Variants in ARMC8 observed in about 807,000 individuals in gnomAD.
The protein encoded by ARMC8 is armadillo repeat-containing protein 8.
In ARMC8, 20 loss-of-function variants were observed where a neutral mutation model predicts 99.3. The observed-to-expected ratio is 0.20, with a 90% confidence interval of 0.14 to 0.29. ARMC8 has a LOEUF of 0.29. Ranked by LOEUF, ARMC8 falls within the 10% of genes least tolerant of loss-of-function variation. The probability of loss-of-function intolerance (pLI) is 1.00; values close to 1 mark genes in which losing one functional copy is unlikely to be tolerated. For synonymous variants in ARMC8, 263 were observed against 278.3 expected (o/e 0.95, Z 0.55); for missense variants, 569 against 809.5 (o/e 0.70, Z 3.60).
intron 2 of ARMC8, among the ~76,000 whole-genome samples, chr3:138,220,457 T>C (rs1007037289): frequency 6.6e-6 from 1 of 152,162 alleles, no homozygotes; most frequent in African/African-American, 2.4e-5. Flanking sequence ...ACTGAGCTAA[T>C]GGAAGAAAGA....
At chr3:138,191,532 T>C (rs1320197786) in intron 1 of ARMC8, among the ~76,000 whole-genome samples, 1 of 152,182 alleles carries the variant, frequency 6.6e-6, no homozygotes, top group Non-Finnish European at 1.5e-5. Context: ...ATGTATCTGT[T>C]TCTGTATCAT....
chr3:138,251,500 G>T (rs531693487), intron 12 of ARMC8, among the ~76,000 whole-genome samples: 2 of 152,116 alleles, frequency 1.3e-5, no homozygotes, highest in Admixed American at 1.3e-4. Flanking sequence ...AAATTCATTC[G>T]GATTTCATAA....
rs762354975 is a variant in ARMC8, at chr3:138,297,741, C to G, written c.*1849C>G. 3 of 152,114 alleles carry G rather than the reference C, an allele frequency of 2.0e-5. No homozygotes were observed. The highest frequency in any genetic ancestry group is 4.4e-5 in the Non-Finnish European group (3 of 68,032). The allele number at this position is 152,114 out of a possible 1,614,324, so 9.4% of individuals were successfully genotyped here. On this transcript the variant is annotated 3_prime_UTR_variant, in exon 22 of 22. Transcript: ENST00000469044. Reference sequence around the variant, plus strand: ...TATCAGAGTGCTAATGTGAGAAACCCAGTTAAAAGAAAACTTAGTTTATTG... The same window carrying G: ...TATCAGAGTGCTAATGTGAGAAACCGAGTTAAAAGAAAACTTAGTTTATTG...
At chr3:138,288,777 A>T (rs2050669258) in intron 19 of ARMC8, among the ~76,000 whole-genome samples, 1 of 151,266 alleles carries the variant, frequency 6.6e-6, no homozygotes, top group African/African-American at 2.4e-5. Flanking sequence ...AGCTGAGATT[A>T]CAGGCGCCCG....
chr3:138,259,454 C>A (rs1022680645), intron 12 of ARMC8, among the ~76,000 whole-genome samples: 1 of 152,220 alleles, frequency 6.6e-6, no homozygotes, highest in Non-Finnish European at 1.5e-5. Flanking sequence ...ATCATATTGT[C>A]CATACCCTTT....
At chr3:138,239,557 G>A in intron 10 of ARMC8, 29 bp downstream of exon 10, 2 of 1,439,582 alleles carry the variant, frequency 1.4e-6, no homozygotes, top group East Asian at 2.3e-5. Context: ...TTTAAAATGT[G>A]AAAATTATCC....
Position 138,221,908 on chromosome 3 carries a change from T to G in ARMC8, c.123-18T>G. On this transcript the variant is annotated intron_variant, in intron 2 of 21. Transcript: ENST00000469044. ...GTGCTGTCTCAACATACTTTATTTT[T>G]TCTTCCCCTTAATTCAGAGACATGA... is the stretch of plus-strand genomic sequence containing the variant. The G allele has an allele frequency of 1.3e-6, 2 of 1,596,502 alleles. No homozygotes were observed. Among genetic ancestry groups the G allele is most frequent in the Non-Finnish European group, 1.7e-6 (2 of 1,164,566 alleles).
intron 18 of ARMC8, among the ~76,000 whole-genome samples, chr3:138,275,011 C>T (rs2049142105): frequency 6.6e-6 from 1 of 152,198 alleles, no homozygotes; most frequent in Admixed American, 6.5e-5. Context: ...CATAACCCTA[C>T]TTCCATTAAG....
At chr3:138,263,856 T>G (rs1429471325) in intron 13 of ARMC8, 35 bp downstream of exon 13, 30 of 1,580,914 alleles carry the variant, frequency 1.9e-5, no homozygotes, top group Non-Finnish European at 2.5e-5. Context: ...AAAAACCTTT[T>G]GCCATATATT....
chr3:138,187,827 T>C, intron 1 of ARMC8: 1 of 562,638 alleles, frequency 1.8e-6, no homozygotes, highest in Admixed American at 3.2e-5. Context: ...CGGTGCGGGT[T>C]CCCAGGATGG....
chr3:138,226,780 C>A (rs1018444178), intron 5 of ARMC8, among the ~76,000 whole-genome samples: 21 of 152,328 alleles, frequency 1.4e-4, no homozygotes, highest in Admixed American at 1.0e-3. Context: ...TGATGACCTA[C>A]TAATGGATCC....
At chr3:138,228,255 C>T (rs576558852) in intron 5 of ARMC8, among the ~76,000 whole-genome samples, 1 of 152,360 alleles carries the variant, frequency 6.6e-6, no homozygotes, top group East Asian at 1.9e-4. Context: ...GCTGGGATTA[C>T]AGGCATGAGC....
chr3:138,201,503 C>T (rs1410669520), intron 1 of ARMC8, among the ~76,000 whole-genome samples: 1 of 108,442 alleles, frequency 9.2e-6, no homozygotes, highest in Non-Finnish European at 1.7e-5. Context: ...TGCTCTGTCT[C>T]CAGGCTGGAG....
Position 138,280,564 on chromosome 3 carries a change from G to A in ARMC8, c.1726-3867G>A, listed in dbSNP as rs1180745303. On this transcript the variant is annotated intron_variant, in intron 18 of 21. Coordinates refer to ENST00000469044, the MANE Select transcript of ARMC8 (RefSeq NM_001363941.2). ...GCTGGAGTGCAGTGGTGTGATCTCG[G>A]CTCACTGCAAGCTCCGTCTTCCGGG... 2.0e-5 allele frequency among the ~76,000 whole-genome samples: 3 copies of A among 151,430 alleles called. No individual in the cohort carries two copies. The East Asian group carries it at 5.8e-4, about 29-fold the overall frequency.
intron 5 of ARMC8, among the ~76,000 whole-genome samples, chr3:138,226,512 A>T (rs1011614452): frequency 6.6e-6 from 1 of 152,174 alleles, no homozygotes; most frequent in East Asian, 1.9e-4. Flanking sequence ...GGTAACTCAG[A>T]TGCTGCTGGT....
chr3:138,187,728 A>C, intron 1 of ARMC8, 129 bp downstream of exon 1: 1 of 1,037,970 alleles, frequency 9.6e-7, no homozygotes. Context: ...GTCTCGGGCC[A>C]GGGAGTGAGC....
At chr3:138,274,072 C>T (rs980851991) in intron 17 of ARMC8, among the ~76,000 whole-genome samples, 8 of 152,026 alleles carry the variant, frequency 5.3e-5, no homozygotes, top group Admixed American at 3.3e-4. Flanking sequence ...CCCACCTCGG[C>T]CCCCCAAAGT....
chr3:138,264,035 T>G (rs1002497492), intron 13 of ARMC8, 96 bp from the exon 14 acceptor site: 19 of 1,150,238 alleles, frequency 1.7e-5, no homozygotes, highest in Non-Finnish European at 2.5e-5. Flanking sequence ...TAGATATGCT[T>G]GAAGTGTACA....
chr3:138,285,080 T>C (rs1451112558), intron 19 of ARMC8, among the ~76,000 whole-genome samples: 1 of 151,838 alleles, frequency 6.6e-6, no homozygotes, highest in Non-Finnish European at 1.5e-5. Flanking sequence ...CACACCTATC[T>C]GTCTTCTCTA....
Sources: allele counts gnomAD v4.1 joint callset (sites outside exome capture counted in the v4.1 genomes callset), GRCh38; gene constraint gnomAD v4.1.1; transcripts MANE v1.5; gene names NCBI Gene and HGNC (gene_info 2026-07-23, HGNC 2026-07-21).